SCUBE2: variants seen among roughly 807,000 people sequenced by gnomAD.
The protein encoded by SCUBE2 is signal peptide, CUB domain and EGF like domain containing 2, also known as signal peptide, CUB and EGF-like domain-containing protein 2.
SCUBE2 carries 114 observed loss-of-function variants against 125.9 expected under a neutral mutation model. The observed-to-expected ratio is 0.91, with a 90% confidence interval of 0.78 to 1.06. The LOEUF (loss-of-function observed/expected upper bound fraction) is 1.06, where lower values mean the gene tolerates loss of function less well. Ranked by LOEUF, SCUBE2 falls within the 50% of genes least tolerant of loss-of-function variation. The pLI, the probability that SCUBE2 is intolerant of heterozygous loss-of-function variation, is 0.00. For synonymous variants in SCUBE2, 459 were observed against 492.9 expected (o/e 0.93, Z 0.91); for missense variants, 1,255 against 1,301.8 (o/e 0.96, Z 0.55).
At chr11:9,030,251 A>C (rs1248394098) in intron 18 of SCUBE2, 1 of 598,540 alleles carries the variant, frequency 1.7e-6, no homozygotes, top group Non-Finnish European at 2.9e-6. Flanking sequence ...TAGAGGAACA[A>C]GATATGTGTG....
intron 10 of SCUBE2, among the ~76,000 whole-genome samples, chr11:9,054,725 ATT>A (rs1174774188): frequency 9.3e-3 from 206 of 22,256 alleles, no homozygotes; most frequent in African/African-American, 0.019. Context: ...ATATATATAT[ATT>A]TTTTTTTTTT....
chr11:9,076,076 G>A (rs189895980), intron 3 of SCUBE2, among the ~76,000 whole-genome samples: 168 of 152,348 alleles, frequency 1.1e-3, no homozygotes, highest in African/African-American at 3.8e-3. Context: ...AGAGAATCTG[G>A]TGGTGTAAGC....
At chr11:9,087,732 T>C (rs1243074067) in intron 2 of SCUBE2, among the ~76,000 whole-genome samples, 3 of 152,224 alleles carry the variant, frequency 2.0e-5, no homozygotes, top group Non-Finnish European at 2.9e-5. Context: ...CTGTTATTCA[T>C]ATTTGCTGTC....
Position 9,074,528 on chromosome 11 carries a change from C to A in SCUBE2, c.470G>T (p.Gly157Val), listed in dbSNP as rs1179341458. The change falls in exon 4 of 23, where the codon GGG becomes GTG. Residue 157 changes from glycine (G) to valine (V), a missense_variant. Physicochemically the swap from Gly to Val is moderately radical, Grantham distance 109 (BLOSUM62 -3). Coordinates refer to ENST00000649792, the MANE Select transcript of SCUBE2 (RefSeq NM_001367977.2). ...MGSYECCCKE[G>V]FFLSDNQHTC... is the part of the protein sequence containing the mutation. ...GTGCTGATTGTCACTCAGGAAAAAC[C>A]CCTCCTTGCAGCAGCACTCATAGCT... is the stretch of plus-strand genomic sequence containing the variant. 6.2e-7 allele frequency: 1 copy of A among 1,614,170 alleles called. No individual in the cohort carries two copies. Among genetic ancestry groups the A allele is most frequent in the African/African-American group, 1.3e-5 (1 of 75,022 alleles).
intron 17 of SCUBE2, among the ~76,000 whole-genome samples, chr11:9,033,320 T>C (rs1856474088): frequency 1.3e-5 from 2 of 152,188 alleles, no homozygotes; most frequent in South Asian, 4.1e-4. Flanking sequence ...TACCTATAGA[T>C]AGGGAAATCA....
rs1247396428 is a variant in SCUBE2, at chr11:9,021,311, C to A, written c.2935-114G>T. On this transcript the variant is annotated intron_variant, in intron 22 of 22. Transcript: ENST00000649792. Reference sequence around the variant, plus strand: ...CCGTAGCTTGCTTAGCTGAAAAACACTTGCAAAAATTGTTTCCTCTGATTT... The same window carrying A: ...CCGTAGCTTGCTTAGCTGAAAAACAATTGCAAAAATTGTTTCCTCTGATTT... 9 of 816,826 alleles carry A rather than the reference C, an allele frequency of 1.1e-5. No homozygotes were observed. The African/African-American group carries it at 1.4e-4, about 13-fold the overall frequency. The allele number at this position is 816,826 out of a possible 1,614,324, so 50.6% of individuals were successfully genotyped here.
At chr11:9,037,291 C>A (rs924699276) in intron 16 of SCUBE2, among the ~76,000 whole-genome samples, 20 of 152,314 alleles carry the variant, frequency 1.3e-4, no homozygotes, top group Admixed American at 1.0e-3. Flanking sequence ...CCTTCAGTGA[C>A]CATTAAAATC....
intron 19 of SCUBE2, among the ~76,000 whole-genome samples, chr11:9,029,159 T>C (rs1235145769): frequency 1.3e-5 from 2 of 152,146 alleles, no homozygotes; most frequent in Non-Finnish European, 2.9e-5. Flanking sequence ...TGGTTATAAA[T>C]AGTGGCTTTA....
intron 16 of SCUBE2, among the ~76,000 whole-genome samples, chr11:9,036,334 C>T (rs1270111434): frequency 4.6e-5 from 7 of 152,330 alleles, no homozygotes; most frequent in Admixed American, 1.3e-4. Context: ...GTTTCCATAT[C>T]GCTCTGGTTC....
intron 7 of SCUBE2, 26 bp downstream of exon 7, chr11:9,065,865 C>G (rs1564835242): frequency 1.9e-6 from 3 of 1,600,490 alleles, no homozygotes; most frequent in Non-Finnish European, 2.6e-6. Flanking sequence ...TTGCAGTGGC[C>G]AAGGAAAGGG....
In SCUBE2 at chr11:9,091,512, C is replaced by G; in HGVS notation, c.17G>C (p.Arg6Pro). The G allele has an allele frequency of 1.1e-6, 1 of 943,232 alleles. No individual in the cohort carries two copies. Among genetic ancestry groups the G allele is most frequent in the Non-Finnish European group, 1.4e-6 (1 of 725,510 alleles). 58.4% of individuals were successfully genotyped at this position (943,232 alleles called of 1,614,324 possible). The change falls in exon 1 of 23, where the codon CGC becomes CCC. Residue 6 changes from arginine (R) to proline (P), a missense_variant. Physicochemically the swap from Arg to Pro is moderately radical, Grantham distance 103. This residue lies in a region of SCUBE2 where 362 missense variants were observed against 323.0 expected (regional missense o/e 1.12). Coordinates refer to ENST00000649792, the MANE Select transcript of SCUBE2 (RefSeq NM_001367977.2). This position sits in a 1 kb window ranked among gnomAD's most constrained non-coding sequence, Gnocchi z 8.5. ...CGCCCAGGCCGCCCCGGGACGGTTG[C>G]GGCCCGCGACCCCCATGGATGGCTC... MGVAG[R>P]NRPGAAWAVL...
intron 2 of SCUBE2, 151 bp from the exon 3 acceptor site, chr11:9,079,660 C>T: frequency 1.3e-6 from 1 of 747,514 alleles, no homozygotes; most frequent in Non-Finnish European, 2.1e-6. Flanking sequence ...TTATTCACTG[C>T]AGTGTTGTTT....
chr11:9,046,235 C>G (rs1841164922), intron 16 of SCUBE2, among the ~76,000 whole-genome samples: 1 of 151,918 alleles, frequency 6.6e-6, no homozygotes, highest in African/African-American at 2.4e-5. Flanking sequence ...GTCTCGATCT[C>G]CTGACCTCGT....
chr11:9,067,784 T>C (rs1860389846), intron 5 of SCUBE2, among the ~76,000 whole-genome samples: 1 of 152,206 alleles, frequency 6.6e-6, no homozygotes, highest in African/African-American at 2.4e-5. Flanking sequence ...AAAAAGTTAA[T>C]AACAGAACAA....
chr11:9,078,488 T>C (rs1861375572), intron 3 of SCUBE2, among the ~76,000 whole-genome samples: 1 of 152,188 alleles, frequency 6.6e-6, no homozygotes, highest in Non-Finnish European at 1.5e-5. Flanking sequence ...GTCTGGACTT[T>C]TTCTAGTTCC....
At chr11:9,051,182 TTATCTATCTATCTATCTATCTATCTATC>T (rs60575374) in intron 13 of SCUBE2, among the ~76,000 whole-genome samples, 1 of 142,502 alleles carries the variant, frequency 7.0e-6, no homozygotes, top group Admixed American at 7.1e-5. Context: ...AAACAAAAAA[TTATCTATCTATCTATCTATCTATCTATC>T]TATCTATCTA....
chr11:9,029,837 C>A, intron 19 of SCUBE2, 47 bp downstream of exon 19: 1 of 1,609,184 alleles, frequency 6.2e-7, no homozygotes, highest in Non-Finnish European at 8.5e-7. Context: ...GACCCAGACA[C>A]CTATCTTCTT....
At chr11:9,046,116 C>T (rs1482214908) in intron 16 of SCUBE2, among the ~76,000 whole-genome samples, 1 of 151,170 alleles carries the variant, frequency 6.6e-6, no homozygotes, top group East Asian at 2.0e-4. Context: ...AAGGGATTCT[C>T]CTGCCTCAGC....
chr11:9,089,536 T>C (rs1382027341), intron 2 of SCUBE2, among the ~76,000 whole-genome samples, 171 bp downstream of exon 2: 1 of 152,170 alleles, frequency 6.6e-6, no homozygotes, highest in Non-Finnish European at 1.5e-5. Context: ...GAAGACCTAA[T>C]GTTTCCAGTC....
Sources: gnomAD v4.1 joint callset for allele counts (sites outside exome capture counted in the v4.1 genomes callset) on GRCh38, gnomAD v4.1.1 for gene constraint, gnomAD v4.1.1 regional missense constraint, Gnocchi (gnomAD v3.1) non-coding constraint, MANE v1.5 for transcripts, NCBI Gene and HGNC (gene_info 2026-07-23, HGNC 2026-07-21) for gene names.